UHRF1: variants seen among roughly 807,000 people sequenced by gnomAD.
UHRF1 encodes the protein E3 ubiquitin-protein ligase UHRF1.
In UHRF1, 9 loss-of-function variants were observed where a neutral mutation model predicts 96.5. The ratio of observed to expected loss-of-function variants is 0.09; its 90% CI spans 0.06 to 0.16. The LOEUF is 0.16. UHRF1 is among the 10% of genes least tolerant of loss of function. UHRF1 has a pLI of 1.00. For missense variants in UHRF1, 626 were observed against 1,131.1 expected (o/e 0.55, Z 6.40); for synonymous variants, 455 against 469.9 (o/e 0.97, Z 0.41).
Position 4,958,267 on chromosome 19 carries a change from A to G in UHRF1, c.2235+1454A>G, listed in dbSNP as rs561723341. 2.6e-5 allele frequency among the ~76,000 whole-genome samples: 4 copies of G among 152,094 alleles called. No homozygotes were observed. In the East Asian group the frequency reaches 7.8e-4, roughly 29 times the overall value. On this transcript the variant is annotated intron_variant, in intron 16 of 16. Coordinates refer to ENST00000650932, the MANE Select transcript of UHRF1 (RefSeq NM_001048201.3). ...GGTGGTCCGGGTCTGGCCATCTGTCACCTCTCAGGCGTGCAGGCACTAATC... is the reference window on the plus strand; with the variant it reads ...GGTGGTCCGGGTCTGGCCATCTGTCGCCTCTCAGGCGTGCAGGCACTAATC...
chr19:4,908,008 G>C (rs1160260257), upstream of UHRF1, among the ~76,000 whole-genome samples: 2 of 152,128 alleles, frequency 1.3e-5, no homozygotes, highest in Admixed American at 6.6e-5. Context: ...CAACGCGCCC[G>C]GCCCTTGGCC....
intron 5 of UHRF1, among the ~76,000 whole-genome samples, chr19:4,936,322 C>T (rs1468961684): frequency 4.6e-5 from 7 of 152,168 alleles, no homozygotes; most frequent in Non-Finnish European, 7.3e-5. Context: ...GACAGAGAAA[C>T]GCGATTGCAG....
chr19:4,959,338 A>C (rs2033933841), intron 16 of UHRF1, among the ~76,000 whole-genome samples: 1 of 152,114 alleles, frequency 6.6e-6, no homozygotes, highest in Non-Finnish European at 1.5e-5. Context: ...TTAAAAAAAA[A>C]CAACAAAAAC....
At chr19:4,932,455 A>G (rs1037784474) in intron 4 of UHRF1, among the ~76,000 whole-genome samples, 1 of 152,232 alleles carries the variant, frequency 6.6e-6, no homozygotes, top group Non-Finnish European at 1.5e-5. Flanking sequence ...TTTCATCTGC[A>G]AAGGTTCTAT....
intron 1 of UHRF1, among the ~76,000 whole-genome samples, chr19:4,904,348 T>G (rs964865926): frequency 2.4e-4 from 37 of 152,068 alleles, no homozygotes; most frequent in African/African-American, 8.0e-4. Flanking sequence ...CCTGGCTAAT[T>G]TTTTGTATTT....
At chr19:4,933,178 G>C (rs2033110886) in intron 5 of UHRF1, among the ~76,000 whole-genome samples, 1 of 152,198 alleles carries the variant, frequency 6.6e-6, no homozygotes, top group East Asian at 1.9e-4. Context: ...CCAGGGAACT[G>C]TCTCTGACCC....
At chr19:4,933,201 A>G (rs1265359109) in intron 5 of UHRF1, among the ~76,000 whole-genome samples, 3 of 152,164 alleles carry the variant, frequency 2.0e-5, no homozygotes, top group Non-Finnish European at 4.4e-5. Flanking sequence ...AGGCCCTGAC[A>G]GGCAGAGTTG....
chr19:4,920,227 T>A (rs2032660261), intron 2 of UHRF1, among the ~76,000 whole-genome samples: 1 of 151,684 alleles, frequency 6.6e-6, no homozygotes, highest in African/African-American at 2.4e-5. Flanking sequence ...AGGTCGGGAG[T>A]TAGAGATCAG....
rs961429568 is a variant in UHRF1, at chr19:4,930,224, C to T, written c.409-492C>T. Among the ~76,000 whole-genome samples, 3 of 152,192 alleles carry T rather than the reference C, an allele frequency of 2.0e-5. No individual in the cohort carries two copies. The highest frequency in any genetic ancestry group is 1.9e-4 in the East Asian group (1 of 5,194). On this transcript the variant is annotated intron_variant, in intron 3 of 16. Transcript: ENST00000650932. This position sits in a 1 kb window ranked among gnomAD's most constrained non-coding sequence, Gnocchi z 4.4. ...TCCTGGCCTCAAGTGATCTTCCCGCCGCAGCCTCCCAAAGTGCTGGAATTA... is the reference window on the plus strand; with the variant it reads ...TCCTGGCCTCAAGTGATCTTCCCGCTGCAGCCTCCCAAAGTGCTGGAATTA...
In UHRF1 at chr19:4,962,081, G is replaced by A. The variant is rs1269128336; in HGVS notation, c.*1278G>A. 6.9e-6 allele frequency: 1 copy of A among 145,482 alleles called. No homozygotes were observed. Among genetic ancestry groups the A allele is most frequent in the Non-Finnish European group, 1.5e-5 (1 of 64,990 alleles). 9.0% of individuals were successfully genotyped at this position (145,482 alleles called of 1,614,324 possible). A position where few individuals can be genotyped will look rare whatever the true frequency, so the allele number is the denominator to read the frequency against. On this transcript the variant is annotated 3_prime_UTR_variant, in exon 17 of 17. Coordinates refer to ENST00000650932, the MANE Select transcript of UHRF1 (RefSeq NM_001048201.3). ...TATTAGGGAAGAATGAGACAATTTT[G>A]TGTAGGCTTTTTCTAAAGTCCAGTA... is the stretch of plus-strand genomic sequence containing the variant.
chr19:4,917,603 G>A lies in UHRF1; in HGVS notation c.153+6565G>A, dbSNP rs944706635. 5.2e-5 allele frequency among the ~76,000 whole-genome samples: 7 copies of A among 134,310 alleles called. No individual in the cohort carries two copies. The South Asian group carries it at 1.3e-3, about 24-fold the overall frequency. 88.1% of individuals were successfully genotyped at this position (134,310 alleles called of 152,430 possible). A position where few individuals can be genotyped will look rare whatever the true frequency, so the allele number is the denominator to read the frequency against. On this transcript the variant is annotated intron_variant, in intron 2 of 16. Coordinates refer to ENST00000650932, the MANE Select transcript of UHRF1 (RefSeq NM_001048201.3). ...CAGGAGGTGGAGGTTGCAGTGAGCCGAGATCACGCCACTGCACTCCAGCTT... is the reference window on the plus strand; with the variant it reads ...CAGGAGGTGGAGGTTGCAGTGAGCCAAGATCACGCCACTGCACTCCAGCTT...
intron 11 of UHRF1, among the ~76,000 whole-genome samples, chr19:4,950,213 AT>A (rs1227144422): frequency 1.3e-5 from 2 of 151,142 alleles, no homozygotes; most frequent in Non-Finnish European, 2.9e-5. Flanking sequence ...GGCCTATTTT[AT>A]AAATTATACA....
chr19:4,909,969 C>T (rs1222006587), intron 1 of UHRF1, among the ~76,000 whole-genome samples: 1 of 150,744 alleles, frequency 6.6e-6, no homozygotes, highest in Non-Finnish European at 1.5e-5. Flanking sequence ...ATTCAATTGT[C>T]GCGCCCGAGC....
At chr19:4,942,958 G>A (rs1257370351) in intron 7 of UHRF1, among the ~76,000 whole-genome samples, 2 of 151,764 alleles carry the variant, frequency 1.3e-5, no homozygotes, top group Non-Finnish European at 2.9e-5. Context: ...GTAAAAATGA[G>A]GTCAGGTGCA....
intron 2 of UHRF1, among the ~76,000 whole-genome samples, chr19:4,916,130 A>G (rs2032489688): frequency 6.6e-6 from 1 of 152,052 alleles, no homozygotes; most frequent in Non-Finnish European, 1.5e-5. Context: ...CCATGTAGCA[A>G]GACCCCGTCT....
Position 4,909,531 on chromosome 19 carries a change from T to A in UHRF1, c.-135T>A. The A allele has an allele frequency of 1.5e-6, 1 of 659,276 alleles. No homozygotes were observed. The highest frequency in any genetic ancestry group is 2.7e-6 in the Non-Finnish European group (1 of 365,710). The allele number at this position is 659,276 out of a possible 1,614,324, so 40.8% of individuals were successfully genotyped here. A position where few individuals can be genotyped will look rare whatever the true frequency, so the allele number is the denominator to read the frequency against. On this transcript the variant is annotated 5_prime_UTR_variant, in exon 1 of 17. Transcript: ENST00000650932. ...AGCTGGCAGCGCGGCGGGCAGCGTT[T>A]GCCGAGCGGGCGCTCCGGGTCGCAC...
intron 16 of UHRF1, among the ~76,000 whole-genome samples, chr19:4,959,478 G>T (rs910167274): frequency 6.6e-6 from 1 of 152,166 alleles, no homozygotes; most frequent in Non-Finnish European, 1.5e-5. Context: ...AGGCATCTGT[G>T]CACCTGTGTA....
intron 10 of UHRF1, among the ~76,000 whole-genome samples, chr19:4,946,718 G>A (rs554384021): frequency 1.6e-4 from 24 of 152,194 alleles, no homozygotes; most frequent in Admixed American, 1.5e-3. Flanking sequence ...GGGACTACAG[G>A]CAGGCACTGC....
Position 4,949,473 on chromosome 19 carries a change from G to GACACACACACACAC in UHRF1, c.1518-1119_1518-1106dup, listed in dbSNP as rs10580944. Among the ~76,000 whole-genome samples, 542 of 147,834 alleles carry GACACACACACACAC rather than the reference G, an allele frequency of 3.7e-3. 6 individuals are homozygous for GACACACACACACAC. Among genetic ancestry groups the GACACACACACACAC allele is most frequent in the African/African-American group, 0.013 (515 of 39,962 alleles). On this transcript the variant is annotated intron_variant, in intron 11 of 16. Coordinates refer to ENST00000650932, the MANE Select transcript of UHRF1 (RefSeq NM_001048201.3). ...CATTATCTAAAACAATTGGCACATA[G>GACACACACACACAC]ACACACACACACACACACACACACA...
Sources: gnomAD v4.1 joint callset for allele counts (sites outside exome capture counted in the v4.1 genomes callset) on GRCh38, gnomAD v4.1.1 for gene constraint, Gnocchi (gnomAD v3.1) non-coding constraint, MANE v1.5 for transcripts, NCBI Gene and HGNC (gene_info 2026-07-23, HGNC 2026-07-21) for gene names.